The following LRP2 variants were observed in gnomAD, a reference collection of about 807,000 sequenced individuals.
The protein encoded by LRP2 is low-density lipoprotein receptor-related protein 2.
A neutral mutation model predicts 531.0 loss-of-function variants in LRP2; 172 were observed. The ratio of observed to expected loss-of-function variants is 0.32; its 90% CI spans 0.29 to 0.37. The LOEUF (loss-of-function observed/expected upper bound fraction) is 0.37, where lower values mean the gene tolerates loss of function less well. Among genes scored for constraint, LRP2 ranks in the 10% least tolerant of loss-of-function variants. LRP2 has a pLI of 1.00. For missense variants in LRP2, 5,167 were observed against 5,868.3 expected (o/e 0.88, Z 3.90); for synonymous variants, 1,992 against 2,027.6 (o/e 0.98, Z 0.47).
At position 169,157,009 on chromosome 2, in the gene LRP2, C is replaced by T. The variant is rs150682265; in HGVS notation, c.12019+362G>A. 2.3e-3 allele frequency among the ~76,000 whole-genome samples: 349 copies of T among 152,244 alleles called. 2 individuals are homozygous for T. The highest frequency in any genetic ancestry group is 7.7e-3 in the African/African-American group (321 of 41,548). ...GGCGTAAGTAGGTGTATAATAAATA[C>T]GTGTTGGTTGTTTGACTTACAATGA... On this transcript the variant is annotated intron_variant, in intron 64 of 78. Transcript: ENST00000649046.
In LRP2 at chr2:169,310,706, C is replaced by T. The variant is rs543156210; in HGVS notation, c.311-3309G>A. 7.1e-3 allele frequency among the ~76,000 whole-genome samples: 1,075 copies of T among 152,308 alleles called. 10 individuals are homozygous for T. Among genetic ancestry groups the T allele is most frequent in the African/African-American group, 0.024 (987 of 41,552 alleles). On this transcript the variant is annotated intron_variant, in intron 3 of 78. Transcript: ENST00000649046. ...GCCAGGCTTTGGTATCAGGATGATG[C>T]TGGCCTCATAAAATGAATTAGGGAG...
chr2:169,258,353 A>T (rs928166916), intron 17 of LRP2, among the ~76,000 whole-genome samples: 3 of 152,144 alleles, frequency 2.0e-5, no homozygotes. Context: ...TGATGAGATT[A>T]TATATCTAAC....
chr2:169,340,029 C>T (rs191674210), intron 1 of LRP2, among the ~76,000 whole-genome samples: 1 of 152,120 alleles, frequency 6.6e-6, no homozygotes, highest in East Asian at 1.9e-4. Flanking sequence ...AGTCAAATTC[C>T]AGCATTCTTT....
intron 3 of LRP2, among the ~76,000 whole-genome samples, chr2:169,310,810 G>A (rs55953106): frequency 0.17 from 26,505 of 152,038 alleles, 2,412 homozygotes; most frequent in Middle Eastern, 0.27. Flanking sequence ...GGTAGAATTC[G>A]GCTGTGAATC....
At chr2:169,181,407 A>G in intron 52 of LRP2, 41 bp downstream of exon 52, 1 of 1,591,060 alleles carries the variant, frequency 6.3e-7, no homozygotes, top group Non-Finnish European at 8.6e-7. Flanking sequence ...TGTTTGAAAT[A>G]AACAGTTACA....
intron 33 of LRP2, among the ~76,000 whole-genome samples, chr2:169,221,165 C>G (rs1373106251): frequency 6.6e-6 from 1 of 152,122 alleles, no homozygotes; most frequent in South Asian, 2.1e-4. Context: ...GGAAGGTCTG[C>G]GTAGACCTTA....
At chr2:169,171,593 C>G (rs936689076) in intron 58 of LRP2, among the ~76,000 whole-genome samples, 1 of 152,154 alleles carries the variant, frequency 6.6e-6, no homozygotes, top group African/African-American at 2.4e-5. Context: ...CCTATGAAGG[C>G]CATTTTGGGG....
At chr2:169,173,479 T>G (rs183765753) in intron 56 of LRP2, among the ~76,000 whole-genome samples, 1 of 152,258 alleles carries the variant, frequency 6.6e-6, no homozygotes, top group Admixed American at 6.5e-5. Context: ...AAGGACAGGG[T>G]TTGAAGTAAA....
intron 50 of LRP2, among the ~76,000 whole-genome samples, chr2:169,184,324 T>A (rs907336968): frequency 6.6e-6 from 1 of 152,166 alleles, no homozygotes; most frequent in Admixed American, 6.5e-5. Flanking sequence ...TCATTTATTA[T>A]CCAGCAAGCA....
Position 169,191,980 on chromosome 2 carries a change from C to A in LRP2, c.8884G>T (p.Asp2962Tyr), listed in dbSNP as rs750644262. ...EFLCVNDRPP[D>Y]RRCIPQSWVC... is the part of the protein sequence containing the mutation. ...CAAGACTGGGGAATGCACCTCCTGTCCGGAGGTCTGTCATTTACACAGAGA... is the reference window on the plus strand; with the variant it reads ...CAAGACTGGGGAATGCACCTCCTGTACGGAGGTCTGTCATTTACACAGAGA... Residue 2962 changes from aspartate to tyrosine, a missense_variant, in exon 48 of 79, where the codon GAC becomes TAC. By Grantham distance (160) the Asp-to-Tyr change is radical. This residue lies in a region of LRP2 where 1,129 missense variants were observed against 1,362.7 expected (regional missense o/e 0.83). Coordinates refer to ENST00000649046, the MANE Select transcript of LRP2 (RefSeq NM_004525.3). 6.2e-7 allele frequency: 1 copy of A among 1,614,026 alleles called. No homozygotes were observed. Among genetic ancestry groups the A allele is most frequent in the Non-Finnish European group, 8.5e-7 (1 of 1,180,020 alleles).
chr2:169,206,356 A>T lies in LRP2; in HGVS notation c.7364T>A (p.Ile2455Asn). ...QISYATLSSG[I>N]HTPTVIASGI... is the part of the protein sequence containing the mutation. ...TGAAGCAATGACAGTTGGAGTATGG[A>T]TCCCTGAAGACAGGGTGGCATAGGA... is the stretch of plus-strand genomic sequence containing the variant. Residue 2455 changes from isoleucine to asparagine, a missense_variant, in exon 39 of 79, where the codon ATC (isoleucine) becomes AAC (asparagine). Ile to Asn is a moderately radical substitution (Grantham distance 149). Around this residue, in one of 6 missense-constraint regions of LRP2, gnomAD observed 1,129 missense variants for 1,362.7 expected, o/e 0.83. Coordinates refer to ENST00000649046, the MANE Select transcript of LRP2 (RefSeq NM_004525.3). 6.2e-7 allele frequency: 1 copy of T among 1,614,118 alleles called. No homozygotes were observed. The highest frequency in any genetic ancestry group is 8.5e-7 in the Non-Finnish European group (1 of 1,180,022).
At chr2:169,334,891 A>T (rs1185261384) in intron 1 of LRP2, among the ~76,000 whole-genome samples, 3 of 152,220 alleles carry the variant, frequency 2.0e-5, no homozygotes, top group Non-Finnish European at 4.4e-5. Flanking sequence ...CCGTCCCTCC[A>T]TGAAGGGTGG....
intron 70 of LRP2, among the ~76,000 whole-genome samples, chr2:169,144,892 C>T (rs1296019676): frequency 6.6e-6 from 1 of 152,210 alleles, no homozygotes; most frequent in African/African-American, 2.4e-5. Flanking sequence ...CTTTGGCATA[C>T]TGAACACTGG....
At chr2:169,245,488 T>C (rs961262729) in intron 21 of LRP2, among the ~76,000 whole-genome samples, 3 of 152,216 alleles carry the variant, frequency 2.0e-5, no homozygotes, top group African/African-American at 7.2e-5. Flanking sequence ...AATGTACAAG[T>C]GAGCACTTTA....
In LRP2 at chr2:169,294,626, C is replaced by G. The variant is rs184319574; in HGVS notation, c.512G>C (p.Arg171Thr). ...GCAGTTGATTTCATCTGAGGAGTCC[C>G]TGCAATCAACTTTCCAATCACACTT... ...SQKCDWKVDC[R>T]DSSDEINCTE... The change falls in exon 5 of 79, where the codon AGG becomes ACG. Residue 171 changes from arginine (R) to threonine (T), a missense_variant. Physicochemically the swap from Arg to Thr is moderately conservative, Grantham distance 71. Around this residue, in one of 6 missense-constraint regions of LRP2, gnomAD observed 2,811 missense variants for 3,058.0 expected, o/e 0.92. Coordinates refer to ENST00000649046, the MANE Select transcript of LRP2 (RefSeq NM_004525.3). 22 of 1,612,900 alleles carry G rather than the reference C, an allele frequency of 1.4e-5. No homozygotes were observed. The African/African-American group carries it at 2.4e-4, about 18-fold the overall frequency.
chr2:169,136,614 A>G (rs1685520332), intron 76 of LRP2, among the ~76,000 whole-genome samples: 1 of 151,784 alleles, frequency 6.6e-6, no homozygotes, highest in African/African-American at 2.4e-5. Context: ...ATCTGGCTCA[A>G]AAACTCCCCC....
rs831004 is a variant in LRP2 at position 169,279,232 on chromosome 2, C to T, written c.1565+140G>A. 409,525 of 691,210 alleles carry T rather than the reference C, an allele frequency of 0.59. 124,901 individuals carry two copies. Among genetic ancestry groups the T allele is most frequent in the East Asian group, 0.87 (32,415 of 37,094 alleles). 42.8% of individuals were successfully genotyped at this position (691,210 alleles called of 1,614,324 possible). ...CTTAAAGCTTCTATAAATAAGGGCACAAAATAGACATGGCTTCTAGAGTAT... is the reference window on the plus strand; with the variant it reads ...CTTAAAGCTTCTATAAATAAGGGCATAAAATAGACATGGCTTCTAGAGTAT... On this transcript the variant is annotated intron_variant, in intron 12 of 78. Transcript: ENST00000649046.
chr2:169,187,205 C>T (rs568379153), intron 49 of LRP2, among the ~76,000 whole-genome samples: 50 of 151,998 alleles, frequency 3.3e-4, no homozygotes, highest in Non-Finnish European at 6.2e-4. Flanking sequence ...CTCTTCTCCA[C>T]ATTTCCACAG....
At chr2:169,318,906 C>T (rs1574252681) in intron 2 of LRP2, 22 bp from the exon 3 acceptor site, 2 of 1,613,884 alleles carry the variant, frequency 1.2e-6, no homozygotes, top group South Asian at 1.1e-5. Context: ...CAAAAGAGGA[C>T]TCATTATGGC....
Sources: gnomAD v4.1 joint callset for allele counts (sites outside exome capture counted in the v4.1 genomes callset) on GRCh38, gnomAD v4.1.1 for gene constraint, gnomAD v4.1.1 regional missense constraint, MANE v1.5 for transcripts, NCBI Gene and HGNC (gene_info 2026-07-23, HGNC 2026-07-21) for gene names.